Variants in ASIC2 observed in about 807,000 individuals in gnomAD.
ASIC2 encodes acid-sensing ion channel 2.
In ASIC2, 25 loss-of-function variants were observed where a neutral mutation model predicts 57.3. The ratio of observed to expected loss-of-function variants is 0.44; its 90% CI spans 0.32 to 0.61. The LOEUF (loss-of-function observed/expected upper bound fraction) is 0.61, where lower values mean the gene tolerates loss of function less well. Ranked by LOEUF, ASIC2 falls within the 20% of genes least tolerant of loss-of-function variation. ASIC2 has a pLI of 0.06. For synonymous variants in ASIC2, 319 were observed against 307.5 expected, an observed-to-expected ratio of 1.04 and a Z score of -0.39; for missense variants, 641 against 738.1, an observed-to-expected ratio of 0.87 and a Z score of 1.52.
chr17:33,433,834 A>G (rs1911505549), intron 1 of ASIC2, among the ~76,000 whole-genome samples: 1 of 151,866 alleles, frequency 6.6e-6, no homozygotes, highest in African/African-American at 2.4e-5. Context: ...ACACAAGTTT[A>G]CCCACATAAC....
chr17:33,662,088 G>A (rs74488313), intron 1 of ASIC2, among the ~76,000 whole-genome samples: 21 of 152,170 alleles, frequency 1.4e-4, no homozygotes, highest in Admixed American at 8.5e-4. Context: ...TATGTATATC[G>A]TTTAATCCTC....
chr17:33,269,391 A>G (rs913316027), intron 1 of ASIC2, among the ~76,000 whole-genome samples: 1 of 152,136 alleles, frequency 6.6e-6, no homozygotes, highest in South Asian at 2.1e-4. Flanking sequence ...GTGGTGTCCC[A>G]TCGGGGGGAA....
In ASIC2 at chr17:33,442,729, G is replaced by GT. The variant is rs201869868; in HGVS notation, c.556-330663dup. Among the ~76,000 whole-genome samples the GT allele has an allele frequency of 1.9e-3, 287 of 151,094 alleles. 1 individual carries two copies. The highest frequency in any genetic ancestry group is 6.4e-3 in the African/African-American group (262 of 41,210). The stretch of plus-strand genomic sequence containing the variant: ...ATCATGTTTTCTGAGAATAAAGACA[G>GT]TTTTTTTTTCTCTGTGTTTCCTATC... On this transcript the variant is annotated intron_variant, in intron 1 of 9. Transcript: ENST00000359872.
At chr17:33,127,346 G>A (rs1331510787) in intron 1 of ASIC2, among the ~76,000 whole-genome samples, 2 of 152,120 alleles carry the variant, frequency 1.3e-5, no homozygotes, top group African/African-American at 2.4e-5. Flanking sequence ...GGGACAGCAA[G>A]AAAAAATATT....
chr17:33,908,321 T>A (rs1597925388), intron 1 of ASIC2, among the ~76,000 whole-genome samples: 1 of 152,216 alleles, frequency 6.6e-6, no homozygotes, highest in Non-Finnish European at 1.5e-5. Flanking sequence ...AAAATTCCAA[T>A]GTCTGTTGGA....
intron 1 of ASIC2, among the ~76,000 whole-genome samples, chr17:33,289,729 G>T (rs149637170): frequency 2.0e-5 from 3 of 152,350 alleles, no homozygotes; most frequent in African/African-American, 7.2e-5. Flanking sequence ...AGTATCAAAA[G>T]TGCATAGTGG....
Position 33,292,106 on chromosome 17 carries a change from T to A in ASIC2, c.10A>T (p.Ile4Phe), listed in dbSNP as rs1905500464. The change falls in exon 1 of 10, where the codon ATT (isoleucine) becomes TTT (phenylalanine). Residue 4 changes from isoleucine to phenylalanine, a missense_variant. Ile to Phe is a conservative substitution (Grantham distance 21). Around this residue, in one of 3 missense-constraint regions of ASIC2, gnomAD observed 382 missense variants for 398.0 expected, o/e 0.96. Transcript: ENST00000225823. The part of the protein sequence containing the change: MSR[I>F]GGAGLPAAAL... The stretch of plus-strand genomic sequence containing the variant: ...GCTGCGGGCAGCCCGGCTCCGCCAA[T>A]CCGGCTCATTCATTCAGCCCGCGGC... 9.6e-7 allele frequency: 1 copy of A among 1,042,948 alleles called. No individual in the cohort carries two copies. Among genetic ancestry groups the A allele is most frequent in the African/African-American group, 1.7e-5 (1 of 57,786 alleles). 64.6% of individuals were successfully genotyped at this position (1,042,948 alleles called of 1,614,324 possible). A position where few individuals can be genotyped will look rare whatever the true frequency, so the allele number is the denominator to read the frequency against.
At chr17:33,469,800 T>C (rs1436415831) in intron 1 of ASIC2, among the ~76,000 whole-genome samples, 2 of 152,184 alleles carry the variant, frequency 1.3e-5, no homozygotes, top group Non-Finnish European at 2.9e-5. Flanking sequence ...ATATGGTCAA[T>C]TCCCTGATAT....
chr17:33,516,949 C>T (rs1203325956), intron 1 of ASIC2, among the ~76,000 whole-genome samples: 3 of 152,214 alleles, frequency 2.0e-5, no homozygotes, highest in Admixed American at 6.5e-5. Flanking sequence ...AACCCTCACA[C>T]ATCAGAATGT....
intron 1 of ASIC2, among the ~76,000 whole-genome samples, chr17:34,065,987 G>A (rs1909160450): frequency 6.6e-6 from 1 of 152,014 alleles, no homozygotes; most frequent in South Asian, 2.1e-4. Flanking sequence ...ACAACAATAG[G>A]TGACAAAACT....
intron 1 of ASIC2, among the ~76,000 whole-genome samples, chr17:33,810,281 G>C (rs1450921544): frequency 1.3e-5 from 2 of 152,194 alleles, no homozygotes; most frequent in Non-Finnish European, 2.9e-5. Flanking sequence ...GCTGTTGTGG[G>C]AAGGGCAAGA....
intron 3 of ASIC2, among the ~76,000 whole-genome samples, chr17:33,061,205 A>C (rs141619419): frequency 3.3e-5 from 5 of 152,306 alleles, no homozygotes; most frequent in East Asian, 3.9e-4. Context: ...TATGTTGAAT[A>C]GGAGTGGTGA....
At chr17:33,899,673 T>C (rs958127131) in intron 1 of ASIC2, among the ~76,000 whole-genome samples, 1 of 152,194 alleles carries the variant, frequency 6.6e-6, no homozygotes, top group African/African-American at 2.4e-5. Flanking sequence ...CGGTATGAGA[T>C]ACACAAAGGG....
intron 1 of ASIC2, among the ~76,000 whole-genome samples, chr17:33,135,496 C>G (rs1337337897): frequency 6.6e-6 from 1 of 152,218 alleles, no homozygotes; most frequent in Non-Finnish European, 1.5e-5. Flanking sequence ...AAAATTTGCT[C>G]TTGTTCATCT....
intron 1 of ASIC2, among the ~76,000 whole-genome samples, chr17:33,285,475 C>T (rs181919736): frequency 6.6e-5 from 10 of 152,346 alleles, no homozygotes; most frequent in East Asian, 5.8e-4. Flanking sequence ...TTGAGCTCTC[C>T]ATTCCCCTGA....
chr17:33,318,045 C>G (rs748163293), intron 1 of ASIC2, among the ~76,000 whole-genome samples: 2 of 151,990 alleles, frequency 1.3e-5, no homozygotes, highest in Admixed American at 6.6e-5. Context: ...AGCTGACGGT[C>G]GCATTTGGGT....
chr17:33,085,100 A>T (rs2092129608), intron 3 of ASIC2, among the ~76,000 whole-genome samples: 1 of 152,078 alleles, frequency 6.6e-6, no homozygotes, highest in Non-Finnish European at 1.5e-5. Context: ...TAGGGCTCTT[A>T]CTCTGGAGTC....
chr17:33,450,215 G>T (rs17836818), intron 1 of ASIC2, among the ~76,000 whole-genome samples: 1 of 152,206 alleles, frequency 6.6e-6, no homozygotes, highest in East Asian at 1.9e-4. Context: ...GTTTAGGCAC[G>T]CTCCGTATAC....
At chr17:33,954,982 G>A (rs1904688778) in intron 1 of ASIC2, 1 of 152,190 alleles carries the variant, frequency 6.6e-6, no homozygotes, top group Non-Finnish European at 1.5e-5. Flanking sequence ...GCATTTGAGA[G>A]GCAGGATACA....
Sources: allele counts gnomAD v4.1 joint callset (sites outside exome capture counted in the v4.1 genomes callset), GRCh38; gene constraint gnomAD v4.1.1; regional missense constraint gnomAD v4.1.1; transcripts MANE v1.5; gene names NCBI Gene and HGNC (gene_info 2026-07-23, HGNC 2026-07-21).